PTPRT: variants seen among roughly 807,000 people sequenced by gnomAD.
The protein encoded by PTPRT is protein tyrosine phosphatase receptor type T.
A neutral mutation model predicts 176.8 loss-of-function variants in PTPRT; 56 were observed. The observed-to-expected ratio is 0.32, with a 90% confidence interval of 0.26 to 0.40. PTPRT has a LOEUF of 0.40. Ranked by LOEUF, PTPRT falls within the 10% of genes least tolerant of loss-of-function variation. The pLI is 1.00. For missense variants in PTPRT, 1,540 were observed against 1,908.2 expected (o/e 0.81, Z 3.60); for synonymous variants, 783 against 739.0 (o/e 1.06, Z -0.96).
chr20:42,774,693 A>G (rs937153935), intron 4 of PTPRT, among the ~76,000 whole-genome samples: 1 of 152,100 alleles, frequency 6.6e-6, no homozygotes, highest in African/African-American at 2.4e-5. Context: ...GGATGCCCCC[A>G]CCACTCCATG....
At chr20:42,898,680 C>G (rs1469870609) in intron 1 of PTPRT, among the ~76,000 whole-genome samples, 3 of 152,124 alleles carry the variant, frequency 2.0e-5, no homozygotes, top group African/African-American at 7.2e-5. Flanking sequence ...TGCATTTGTA[C>G]ATTATGAAAA....
At chr20:42,444,335 T>C (rs2059344780) in intron 9 of PTPRT, among the ~76,000 whole-genome samples, 2 of 152,234 alleles carry the variant, frequency 1.3e-5, no homozygotes, top group South Asian at 4.1e-4. Flanking sequence ...TTTGATTTCA[T>C]GGGTTTGACA....
At chr20:42,295,640 G>A (rs2057376067) in intron 12 of PTPRT, among the ~76,000 whole-genome samples, 1 of 152,176 alleles carries the variant, frequency 6.6e-6, no homozygotes, top group Non-Finnish European at 1.5e-5. Context: ...AATTGAGAGA[G>A]AGAGAGAGAG....
intron 2 of PTPRT, among the ~76,000 whole-genome samples, chr20:42,803,440 T>C (rs1417208282): frequency 6.6e-6 from 1 of 152,230 alleles, no homozygotes; most frequent in Non-Finnish European, 1.5e-5. Flanking sequence ...CTGGCGATCA[T>C]GCCAGTTCCT....
intron 7 of PTPRT, among the ~76,000 whole-genome samples, chr20:42,545,688 A>G (rs544384935): frequency 9.9e-5 from 15 of 152,278 alleles, no homozygotes; most frequent in South Asian, 6.2e-4. Flanking sequence ...CACTCTCACA[A>G]TTGGTTGAAG....
At position 42,390,595 on chromosome 20, in the gene PTPRT, C is replaced by G. The variant is rs1600942306; in HGVS notation, c.1561-38310G>C. Among the ~76,000 whole-genome samples, 4 of 152,148 alleles carry G rather than the reference C, an allele frequency of 2.6e-5. 1 individual carries two copies. The South Asian group carries it at 6.2e-4, about 24-fold the overall frequency. On this transcript the variant is annotated intron_variant, in intron 9 of 30. Transcript: ENST00000373187. Reference sequence around the variant, plus strand: ...TCCCTTTTCTCTTGGCTCACTTACTCTAGTGAAAGCCATGTGCCATGTCAT... The same window carrying G: ...TCCCTTTTCTCTTGGCTCACTTACTGTAGTGAAAGCCATGTGCCATGTCAT...
At chr20:42,739,641 TAGATA>T (rs1228331394) in intron 6 of PTPRT, among the ~76,000 whole-genome samples, 2 of 152,158 alleles carry the variant, frequency 1.3e-5, no homozygotes. Context: ...GAAATAGACA[TAGATA>T]ACACAACTTA....
chr20:42,588,651 T>C (rs2073514765), intron 7 of PTPRT, among the ~76,000 whole-genome samples: 1 of 152,188 alleles, frequency 6.6e-6, no homozygotes, highest in African/African-American at 2.4e-5. Context: ...AATATACTAC[T>C]AGAATTAATT....
chr20:42,407,921 T>C (rs1324649589), intron 9 of PTPRT, among the ~76,000 whole-genome samples: 1 of 151,962 alleles, frequency 6.6e-6, no homozygotes, highest in Non-Finnish European at 1.5e-5. Flanking sequence ...AAGGAAAAAA[T>C]ACATTTGATG....
intron 10 of PTPRT, 101 bp from the exon 11 acceptor site, chr20:42,350,831 G>C: frequency 1.1e-6 from 1 of 886,236 alleles, no homozygotes. Flanking sequence ...ATGGATAGAG[G>C]GAGGACGTTT....
At chr20:42,547,757 T>C (rs1369400141) in intron 7 of PTPRT, among the ~76,000 whole-genome samples, 1 of 152,008 alleles carries the variant, frequency 6.6e-6, no homozygotes, top group Non-Finnish European at 1.5e-5. Flanking sequence ...AGGATCAGAA[T>C]GAGGTGTAAA....
intron 7 of PTPRT, among the ~76,000 whole-genome samples, chr20:42,544,047 G>C (rs1346432250): frequency 6.6e-6 from 1 of 152,056 alleles, no homozygotes; most frequent in Non-Finnish European, 1.5e-5. Context: ...CAGGATTTTT[G>C]GAATGGTAAA....
chr20:42,179,898 T>C (rs1990443744), intron 16 of PTPRT, among the ~76,000 whole-genome samples: 1 of 152,262 alleles, frequency 6.6e-6, no homozygotes, highest in East Asian at 1.9e-4. Flanking sequence ...GCTGTAGTAA[T>C]AGCAGAACCC....
chr20:43,163,359 C>T (rs1345473176), intron 1 of PTPRT, among the ~76,000 whole-genome samples: 1 of 152,090 alleles, frequency 6.6e-6, no homozygotes, highest in Non-Finnish European at 1.5e-5. Context: ...ACAGGCTGGG[C>T]CAGGCGCGGT....
At chr20:43,079,118 C>T (rs1413595964) in intron 1 of PTPRT, among the ~76,000 whole-genome samples, 1 of 152,022 alleles carries the variant, frequency 6.6e-6, no homozygotes, top group Non-Finnish European at 1.5e-5. Context: ...TAGTTGCTCA[C>T]TCATAACCTT....
intron 9 of PTPRT, among the ~76,000 whole-genome samples, chr20:42,447,181 C>A (rs762133118): frequency 4.6e-5 from 7 of 152,168 alleles, no homozygotes; most frequent in Non-Finnish European, 8.8e-5. Context: ...CATGTTTCTG[C>A]ATGAGCTCTC....
intron 24 of PTPRT, among the ~76,000 whole-genome samples, chr20:42,105,148 T>C (rs1447026869): frequency 6.6e-6 from 1 of 152,188 alleles, no homozygotes; most frequent in Non-Finnish European, 1.5e-5. Flanking sequence ...GATAGAAATC[T>C]AAGAAATCTC....
chr20:42,041,228 G>A, the PTPRT span, among the ~76,000 whole-genome samples: 57 of 152,140 alleles, frequency 3.7e-4, no homozygotes, highest in Middle Eastern at 3.4e-3. Context: ...TTCTCTCTCC[G>A]GCCCTGTGAC....
chr20:42,045,802 T>C, the PTPRT span, among the ~76,000 whole-genome samples: 1 of 152,154 alleles, frequency 6.6e-6, no homozygotes, highest in African/African-American at 2.4e-5. Flanking sequence ...CTCCTTTTTT[T>C]CCCAAAGCAA....
Sources: gnomAD v4.1 joint callset for allele counts (sites outside exome capture counted in the v4.1 genomes callset) on GRCh38, gnomAD v4.1.1 for gene constraint, MANE v1.5 for transcripts, NCBI Gene and HGNC (gene_info 2026-07-23, HGNC 2026-07-21) for gene names.